SATL1: variants seen among roughly 807,000 people sequenced by gnomAD.
SATL1 encodes the protein spermidine/spermine N1-acetyl transferase like 1.
Under a neutral mutation model 51.8 loss-of-function variants are expected in SATL1, and 47 were observed. That is an observed-to-expected ratio of 0.91 (90% CI 0.72 to 1.16). The LOEUF is 1.16. SATL1 is among the 50% of genes most tolerant of loss of function. The pLI, the probability that SATL1 is intolerant of heterozygous loss-of-function variation, is 0.00. For missense variants in SATL1, 520 were observed against 526.4 expected, an observed-to-expected ratio of 0.99 and a Z score of 0.12; for synonymous variants, 176 against 182.4, an observed-to-expected ratio of 0.97 and a Z score of 0.28.
intron 2 of SATL1, among the ~76,000 whole-genome samples, chrX:85,166,939 G>A (rs79559974): frequency 0.12 from 9,483 of 78,680 alleles, 527 homozygotes; most frequent in South Asian, 0.16. Context: ...ATATATATGT[G>A]TATGTGTGTG....
chrX:85,121,534 A>G (rs2051243568), intron 2 of SATL1, among the ~76,000 whole-genome samples: 1 of 105,447 alleles, frequency 9.5e-6, no homozygotes, highest in African/African-American at 3.4e-5. Context: ...CTAATGGACC[A>G]AGAATATGAC....
chrX:85,191,531 C>G (rs1443115727), intron 2 of SATL1, among the ~76,000 whole-genome samples: 1 of 111,496 alleles, frequency 9.0e-6, no homozygotes. Flanking sequence ...CCGTGTATAA[C>G]TTTTGATTCC....
intron 2 of SATL1, among the ~76,000 whole-genome samples, chrX:85,151,471 A>G (rs1344143569): frequency 1.8e-5 from 2 of 111,652 alleles, no homozygotes; most frequent in African/African-American, 6.5e-5. Flanking sequence ...AACTACTTTA[A>G]AGTTCATATG....
At chrX:85,206,767 T>C (rs1003479925) in intron 2 of SATL1, among the ~76,000 whole-genome samples, 5 of 111,460 alleles carry the variant, frequency 4.5e-5, no homozygotes, top group Admixed American at 3.8e-4. Context: ...TATATGTTAA[T>C]AGAAATGATC....
intron 2 of SATL1, among the ~76,000 whole-genome samples, chrX:85,115,040 G>A (rs754444088): frequency 3.6e-5 from 4 of 111,611 alleles, no homozygotes; most frequent in Non-Finnish European, 5.6e-5. Flanking sequence ...ACTGGGAAGG[G>A]GTTGGAAGTG....
At chrX:85,138,921 G>A (rs1475052834) in intron 2 of SATL1, among the ~76,000 whole-genome samples, 1 of 111,747 alleles carries the variant, frequency 8.9e-6, no homozygotes, top group Non-Finnish European at 1.9e-5. Context: ...TCCTTAAGTA[G>A]GCAAGAAGAA....
chrX:85,184,105 G>T (rs1463361170), intron 2 of SATL1, among the ~76,000 whole-genome samples: 6 of 111,739 alleles, frequency 5.4e-5, no homozygotes, highest in Non-Finnish European at 1.1e-4. Context: ...TATTGTTGCA[G>T]ATGACAGTAT....
At chrX:85,130,753 A>G (rs1034837686) in intron 2 of SATL1, among the ~76,000 whole-genome samples, 5 of 111,680 alleles carry the variant, frequency 4.5e-5, no homozygotes, top group Non-Finnish European at 7.5e-5. Flanking sequence ...TGTCAATTTT[A>G]GATCTTTCCT....
chrX:85,221,855 G>A (rs1380918076), intron 2 of SATL1, among the ~76,000 whole-genome samples: 1 of 112,112 alleles, frequency 8.9e-6, no homozygotes, highest in African/African-American at 3.2e-5. Flanking sequence ...ACTTCTGTAG[G>A]TGTTTAATAC....
chrX:85,169,619 G>A (rs913030318), intron 2 of SATL1, among the ~76,000 whole-genome samples: 6 of 111,277 alleles, frequency 5.4e-5, no homozygotes, highest in South Asian at 7.5e-4. Flanking sequence ...AAGTCAAAAA[G>A]TAACAGATGC....
At chrX:85,116,176 G>A (rs965415457) in intron 2 of SATL1, 1 of 111,685 alleles carries the variant, frequency 9.0e-6, no homozygotes, top group African/African-American at 3.3e-5. Context: ...CCAGTCGCAT[G>A]GCATCAACGT....
chrX:85,233,117 T>G (rs1928416945), intron 1 of SATL1, among the ~76,000 whole-genome samples: 2 of 111,979 alleles, frequency 1.8e-5, no homozygotes, highest in Admixed American at 1.9e-4. Context: ...TCCATTTATT[T>G]GGGAGAAAGT....
intron 2 of SATL1, among the ~76,000 whole-genome samples, chrX:85,201,342 C>T (rs746644065): frequency 9.0e-6 from 1 of 111,377 alleles, no homozygotes; most frequent in African/African-American, 3.3e-5. Flanking sequence ...GAGATTCTGG[C>T]TCTATTTTGC....
At chrX:85,129,786 G>T (rs946634590) in intron 2 of SATL1, among the ~76,000 whole-genome samples, 7 of 111,226 alleles carry the variant, frequency 6.3e-5, no homozygotes, top group Admixed American at 3.8e-4. Flanking sequence ...TGTGCGTTTG[G>T]CATAAATAGC....
chrX:85,193,571 G>C (rs779515055), intron 2 of SATL1, among the ~76,000 whole-genome samples: 16 of 111,509 alleles, frequency 1.4e-4, no homozygotes, highest in Non-Finnish European at 3.0e-4. Flanking sequence ...TGTTACATAG[G>C]TGAACTTGTG....
At chrX:85,176,024 A>T (rs182321548) in intron 2 of SATL1, among the ~76,000 whole-genome samples, 42 of 111,818 alleles carry the variant, frequency 3.8e-4, no homozygotes, top group African/African-American at 1.2e-3. Context: ...GATAAATATT[A>T]CAAAGGGCTA....
chrX:85,237,994 C>A (rs66479719), intron 1 of SATL1, among the ~76,000 whole-genome samples: 14,312 of 110,440 alleles, frequency 0.13, 708 homozygotes, highest in South Asian at 0.18. Flanking sequence ...AAATGCAAAT[C>A]AAAACTATAG....
chrX:85,094,931 G>A lies in SATL1; in HGVS notation c.1759C>T (p.Gln587Ter), dbSNP rs1236168380. 1.7e-6 allele frequency: 2 copies of A among 1,179,352 alleles called. No individual in the cohort carries two copies. Among genetic ancestry groups the A allele is most frequent in the Non-Finnish European group, 2.3e-6 (2 of 868,591 alleles). The stretch of plus-strand genomic sequence containing the variant: ...TTTACTCTACCTGATGGTTTTTGTT[G>A]ATCGTTTACTTCTGCAATCAGGCAG... Reference protein sequence around the residue: ...FYCLIAEVNDQQKPSGKLTVG... With the variant: ...FYCLIAEVND Residue 587 changes from glutamine to a stop codon, truncating the protein, a stop_gained, in exon 5 of 8, where the codon CAA becomes TAA. Coordinates refer to ENST00000644105, the MANE Select transcript of SATL1 (RefSeq NM_001367857.2). LOFTEE classifies it high-confidence loss of function.
intron 2 of SATL1, among the ~76,000 whole-genome samples, chrX:85,155,467 C>G (rs1459049506): frequency 9.0e-6 from 1 of 111,300 alleles, no homozygotes; most frequent in Non-Finnish European, 1.9e-5. Flanking sequence ...TTGTGAGATT[C>G]AAATGAAATA....
Sources: allele counts gnomAD v4.1 joint callset (sites outside exome capture counted in the v4.1 genomes callset), GRCh38; gene constraint gnomAD v4.1.1; transcripts MANE v1.5; gene names NCBI Gene and HGNC (gene_info 2026-07-23, HGNC 2026-07-21).